Variants in ADGRV1 observed in about 807,000 individuals in gnomAD.
The protein encoded by ADGRV1 is G-protein coupled receptor 98.
Under a neutral mutation model 596.2 loss-of-function variants are expected in ADGRV1, and 359 were observed. The observed-to-expected ratio is 0.60, with a 90% CI of 0.55 to 0.66. The LOEUF (loss-of-function observed/expected upper bound fraction) is 0.66, where lower values mean the gene tolerates loss of function less well. Ranked by LOEUF, ADGRV1 falls within the 30% of genes least tolerant of loss-of-function variation. The pLI, the probability that ADGRV1 is intolerant of heterozygous loss-of-function variation, is 0.00. For missense variants in ADGRV1, 7,274 were observed against 7,575.6 expected (o/e 0.96, Z 1.48); for synonymous variants, 2,681 against 2,679.2 (o/e 1.00, Z -0.02).
intron 21 of ADGRV1, among the ~76,000 whole-genome samples, chr5:90,668,270 G>T (rs538268715): frequency 6.6e-6 from 1 of 152,072 alleles, no homozygotes; most frequent in Non-Finnish European, 1.5e-5. Context: ...AGACTCCATG[G>T]GTGTAGGACC....
At chr5:91,077,551 A>G (rs1043618003) in intron 86 of ADGRV1, among the ~76,000 whole-genome samples, 2 of 152,360 alleles carry the variant, frequency 1.3e-5, no homozygotes, top group Non-Finnish European at 2.9e-5. Context: ...CACCTCATAA[A>G]TGGAATACAC....
chr5:90,620,331 T>C (rs1361614153), intron 4 of ADGRV1, among the ~76,000 whole-genome samples: 2 of 152,212 alleles, frequency 1.3e-5, no homozygotes, highest in Non-Finnish European at 2.9e-5. Context: ...TGGTTTTGAT[T>C]TGCATTTCTC....
At position 90,625,110 on chromosome 5, in the gene ADGRV1, C is replaced by T. The variant is rs957459495; in HGVS notation, c.559-20C>T. 1 of 1,431,202 alleles carries T rather than the reference C, an allele frequency of 7.0e-7. No homozygotes were observed. Among genetic ancestry groups the T allele is most frequent in the Non-Finnish European group, 9.8e-7 (1 of 1,019,206 alleles). The allele number at this position is 1,431,202 out of a possible 1,614,324, so 88.7% of individuals were successfully genotyped here. ...TGAAGTATTTTGCATTTATTGATGG[C>T]ATTTTGTGTTTCTTTGCAGGTAGAG... On this transcript the variant is annotated intron_variant, in intron 5 of 89. Transcript: ENST00000405460.
At chr5:90,823,298 A>G in intron 75 of ADGRV1, 127 bp from the exon 76 acceptor site, 1 of 918,632 alleles carries the variant, frequency 1.1e-6, no homozygotes, top group South Asian at 1.7e-5. Context: ...AGTAAGTGCT[A>G]TACTTTGGAT....
intron 83 of ADGRV1, among the ~76,000 whole-genome samples, chr5:90,887,132 G>C (rs544478596): frequency 6.6e-6 from 1 of 152,134 alleles, no homozygotes; most frequent in Non-Finnish European, 1.5e-5. Flanking sequence ...TGGCTGTTAA[G>C]ACTGTATCAC....
At chr5:91,008,386 G>A (rs1374255731) in intron 85 of ADGRV1, among the ~76,000 whole-genome samples, 1 of 152,142 alleles carries the variant, frequency 6.6e-6, no homozygotes, top group Non-Finnish European at 1.5e-5. Flanking sequence ...CTACCAGATA[G>A]ATATAGTAGA....
At chr5:90,697,665 T>C (rs1360228052) in intron 34 of ADGRV1, among the ~76,000 whole-genome samples, 1 of 152,154 alleles carries the variant, frequency 6.6e-6, no homozygotes, top group African/African-American at 2.4e-5. Context: ...CTTATAAAAT[T>C]TCTTTTTTTC....
At chr5:90,698,365 AT>A (rs544164738) in intron 34 of ADGRV1, among the ~76,000 whole-genome samples, 146 of 152,242 alleles carry the variant, frequency 9.6e-4, no homozygotes, top group Middle Eastern at 3.4e-3. Flanking sequence ...TATACACCAG[AT>A]TTTCATACAA....
chr5:90,729,292 GA>G (rs2149816164), intron 49 of ADGRV1, among the ~76,000 whole-genome samples: 1 of 152,236 alleles, frequency 6.6e-6, no homozygotes, highest in African/African-American at 2.4e-5. Context: ...ATAATGTTCA[GA>G]ACTTTTTATA....
intron 87 of ADGRV1, among the ~76,000 whole-genome samples, chr5:91,141,566 A>T (rs561365875): frequency 6.6e-6 from 1 of 152,334 alleles, no homozygotes; most frequent in South Asian, 2.1e-4. Flanking sequence ...AACAAAAGCA[A>T]TTTTAAATGA....
Position 91,102,250 on chromosome 5 carries a change from G to A in ADGRV1, c.18342G>A (p.Leu6114=). The change falls in exon 87 of 90, where the codon CTG becomes CTA. Residue 6114 remains leucine (L), a synonymous_variant. Transcript: ENST00000405460. ...EIPLILYLFA[L]ISVTWLWGGL... ...CACTGATTTTATATCTCTTTGCTCT[G>A]ATTTCCGTGACATGGCTTTGGGGAG... is the stretch of plus-strand genomic sequence containing the variant. 1 of 1,610,128 alleles carries A rather than the reference G, an allele frequency of 6.2e-7. No homozygotes were observed. The highest frequency in any genetic ancestry group is 8.5e-7 in the Non-Finnish European group (1 of 1,177,844).
chr5:90,775,572 G>C (rs763452900), intron 60 of ADGRV1, among the ~76,000 whole-genome samples: 35 of 152,234 alleles, frequency 2.3e-4, no homozygotes, highest in Middle Eastern at 3.4e-3. Context: ...GAATTCCCAG[G>C]CTCAAACAAA....
chr5:90,627,147 C>A, intron 6 of ADGRV1, 64 bp from the exon 7 acceptor site: 1 of 859,298 alleles, frequency 1.2e-6, no homozygotes, highest in Non-Finnish European at 1.7e-6. Flanking sequence ...ACTTGTTACA[C>A]TTTAGTTTAT....
At position 90,725,079 on chromosome 5, in the gene ADGRV1, T is replaced by A; in HGVS notation, c.9907-7T>A. On this transcript the variant is annotated splice_region_variant and splice_polypyrimidine_tract_variant and intron_variant, in intron 46 of 89. Coordinates refer to ENST00000405460, the MANE Select transcript of ADGRV1 (RefSeq NM_032119.4). ...GAATAACTGTATTCTTATTCCTCAT[T>A]TTCTAGGATTTAAATATAGAAAATC... 1 of 1,535,162 alleles carries A rather than the reference T, an allele frequency of 6.5e-7. No individual in the cohort carries two copies. Among genetic ancestry groups the A allele is most frequent in the Non-Finnish European group, 8.8e-7 (1 of 1,132,954 alleles).
chr5:91,119,681 G>A (rs1385795738), intron 87 of ADGRV1, among the ~76,000 whole-genome samples: 4 of 152,210 alleles, frequency 2.6e-5, no homozygotes, highest in Admixed American at 2.0e-4. Flanking sequence ...TATCAACTTT[G>A]TAGCCAACTT....
chr5:90,726,653 ATG>A (rs55927110), intron 48 of ADGRV1, among the ~76,000 whole-genome samples: 25,628 of 147,274 alleles, frequency 0.17, 3,553 homozygotes, highest in African/African-American at 0.4. Context: ...CTCTCTGGGT[ATG>A]TGTGTGTGTG....
chr5:90,674,121 T>C lies in ADGRV1; in HGVS notation c.4997T>C (p.Val1666Ala), dbSNP rs370077523. The C allele has an allele frequency of 7.4e-6, 12 of 1,613,524 alleles. No homozygotes were observed. The African/African-American group carries it at 1.3e-4, about 18-fold the overall frequency. The part of the protein sequence containing the change: ...ELNEYFRVTL[V>A]SAIPGDGKLG... Reference sequence around the variant, plus strand: ...AATGAGTATTTCCGTGTGACATTGGTTTCTGCAATTCCTGGAGATGGGAAG... The same window carrying C: ...AATGAGTATTTCCGTGTGACATTGGCTTCTGCAATTCCTGGAGATGGGAAG... The change falls in exon 23 of 90, where the codon GTT (valine) becomes GCT (alanine). Residue 1666 changes from valine to alanine, a missense_variant. Coordinates refer to ENST00000405460, the MANE Select transcript of ADGRV1 (RefSeq NM_032119.4).
At chr5:90,982,756 T>C (rs1400750157) in intron 84 of ADGRV1, among the ~76,000 whole-genome samples, 1 of 151,846 alleles carries the variant, frequency 6.6e-6, no homozygotes, top group African/African-American at 2.4e-5. Context: ...CGGGCCAGGC[T>C]TCTCCCCTGA....
At chr5:90,938,060 G>C (rs1477564497) in intron 83 of ADGRV1, among the ~76,000 whole-genome samples, 1 of 151,982 alleles carries the variant, frequency 6.6e-6, no homozygotes, top group Non-Finnish European at 1.5e-5. Context: ...GCTTGTATTT[G>C]TCCTTGGCAT....
Sources: gnomAD v4.1 joint callset for allele counts (sites outside exome capture counted in the v4.1 genomes callset) on GRCh38, gnomAD v4.1.1 for gene constraint, MANE v1.5 for transcripts, NCBI Gene and HGNC (gene_info 2026-07-23, HGNC 2026-07-21) for gene names.